The following TG variants were observed in gnomAD, a reference collection of about 807,000 sequenced individuals.
TG encodes thyroid hormones.
TG carries 270 observed loss-of-function variants against 324.7 expected under a neutral mutation model. That is an observed-to-expected ratio of 0.83 (90% CI 0.75 to 0.92). TG has a LOEUF of 0.92. Ranked by LOEUF, TG falls within the 40% of genes least tolerant of loss-of-function variation. TG has a pLI of 0.00. For synonymous variants in TG, 1,401 were observed against 1,327.0 expected (o/e 1.06, Z -1.21); for missense variants, 3,591 against 3,456.4 (o/e 1.04, Z -0.98).
intron 21 of TG, among the ~76,000 whole-genome samples, chr8:132,920,826 A>G (rs1425283064): frequency 6.6e-6 from 1 of 152,218 alleles, no homozygotes; most frequent in East Asian, 1.9e-4. Context: ...TCCCTCCTGT[A>G]TTGGGTGGAG....
At chr8:133,059,212 C>A (rs1166083871) in intron 41 of TG, 1 of 448,128 alleles carries the variant, frequency 2.2e-6, no homozygotes, top group Non-Finnish European at 4.5e-6. Flanking sequence ...AATGGGACAC[C>A]AGGCCCCAAA....
At chr8:132,990,181 T>TAA (rs1554691031) in intron 35 of TG, among the ~76,000 whole-genome samples, 12 of 139,810 alleles carry the variant, frequency 8.6e-5, no homozygotes, top group African/African-American at 2.0e-4. Context: ...TATATATATA[T>TAA]AATATACATG....
chr8:132,880,403 G>C (rs1012093040), intron 5 of TG, among the ~76,000 whole-genome samples: 12 of 152,138 alleles, frequency 7.9e-5, no homozygotes, highest in Admixed American at 2.6e-4. Context: ...ATACTATTAT[G>C]AGTATTTTTA....
intron 41 of TG, among the ~76,000 whole-genome samples, chr8:133,083,636 A>C (rs4236895): frequency 0.24 from 37,008 of 152,134 alleles, 4,762 homozygotes; most frequent in African/African-American, 0.26. Context: ...TGTCAGTGCA[A>C]GAGTCAGTAA....
chr8:133,134,443 T>C (rs1305176098), intron 47 of TG, among the ~76,000 whole-genome samples: 1 of 152,200 alleles, frequency 6.6e-6, no homozygotes, highest in African/African-American at 2.4e-5. Context: ...GCTTTTAGCT[T>C]CCAAGGCTGA....
At chr8:132,955,958 G>A (rs1036170024) in intron 27 of TG, among the ~76,000 whole-genome samples, 6 of 152,196 alleles carry the variant, frequency 3.9e-5, no homozygotes, top group African/African-American at 1.2e-4. Flanking sequence ...CAGGGGCAGC[G>A]ACCCTGATTC....
At chr8:132,878,949 G>A (rs907457831) in intron 5 of TG, among the ~76,000 whole-genome samples, 20 of 152,192 alleles carry the variant, frequency 1.3e-4, no homozygotes, top group Admixed American at 1.0e-3. Context: ...GCTTTCATCA[G>A]GGCTTTGGGT....
At chr8:132,980,906 C>T (rs974457209) in intron 34 of TG, among the ~76,000 whole-genome samples, 1 of 149,966 alleles carries the variant, frequency 6.7e-6, no homozygotes, top group Admixed American at 6.6e-5. Flanking sequence ...TAGGCCCTAT[C>T]TCATCAGATT....
At chr8:132,989,243 G>C (rs936552215) in intron 35 of TG, among the ~76,000 whole-genome samples, 2 of 152,194 alleles carry the variant, frequency 1.3e-5, no homozygotes, top group Non-Finnish European at 2.9e-5. Context: ...AGATTTGGGT[G>C]GGACACAGAG....
chr8:133,012,808 C>A (rs1265113238), intron 36 of TG, among the ~76,000 whole-genome samples: 1 of 152,202 alleles, frequency 6.6e-6, no homozygotes, highest in African/African-American at 2.4e-5. Flanking sequence ...AGAAATTGAG[C>A]TATAAATAGG....
At position 132,935,873 on chromosome 8, in the gene TG, G is replaced by A; in HGVS notation, c.5041+9G>A. 1 of 1,611,000 alleles carries A rather than the reference G, an allele frequency of 6.2e-7. No homozygotes were observed. The highest frequency in any genetic ancestry group is 1.1e-5 in the South Asian group (1 of 90,902). ...TGTGTATTTGAAAAAGGGTAGGTTG[G>A]TCAGGCTGGTTGGCTTAGGCCCGCG... On this transcript the variant is annotated intron_variant, in intron 25 of 47. Transcript: ENST00000220616.
At chr8:133,119,534 G>T (rs1253771214) in intron 45 of TG, among the ~76,000 whole-genome samples, 2 of 152,240 alleles carry the variant, frequency 1.3e-5, no homozygotes, top group East Asian at 3.9e-4. Flanking sequence ...CCTTCTTTCT[G>T]CATTCTCTCA....
rs767061574 is a variant in TG, at chr8:132,966,023, T to C, written c.5549-537T>C. Among the ~76,000 whole-genome samples the C allele has an allele frequency of 2.6e-5, 4 of 152,188 alleles. No homozygotes were observed. The South Asian group carries it at 8.3e-4, about 31-fold the overall frequency. On this transcript the variant is annotated intron_variant, in intron 29 of 47. Transcript: ENST00000220616. ...CTAAAACTTTCAAGTTTGGGTTAAG[T>C]GGAGCTGAAAGCTGACTTTGTAGAT...
intron 10 of TG, among the ~76,000 whole-genome samples, chr8:132,891,854 C>T (rs575876606): frequency 1.3e-5 from 2 of 152,182 alleles, no homozygotes; most frequent in Non-Finnish European, 1.5e-5. Context: ...CCCATGCTCT[C>T]AAAAGAATCC....
chr8:132,958,587 G>A (rs1423465627), intron 27 of TG, among the ~76,000 whole-genome samples: 1 of 151,962 alleles, frequency 6.6e-6, no homozygotes, highest in African/African-American at 2.4e-5. Flanking sequence ...GTGTGGTGGT[G>A]GGCGCCTGTA....
intron 41 of TG, chr8:133,050,694 C>A: frequency 2.9e-6 from 2 of 687,910 alleles, no homozygotes; most frequent in African/African-American, 1.8e-5. Context: ...AAATTTCTCA[C>A]CTCATAATAG....
chr8:132,894,999 C>G (rs1816897447), intron 11 of TG, among the ~76,000 whole-genome samples: 1 of 152,240 alleles, frequency 6.6e-6, no homozygotes, highest in Admixed American at 6.5e-5. Context: ...GTTCATCTCT[C>G]CTGTTCCCTG....
chr8:132,906,583 G>A (rs1030959773), intron 16 of TG, 105 bp from the exon 17 acceptor site: 20 of 1,313,222 alleles, frequency 1.5e-5, no homozygotes, highest in Non-Finnish European at 1.9e-5. Flanking sequence ...AAGGGGAGAG[G>A]AGGAGGGCCC....
At chr8:133,062,837 C>T (rs576793679) in intron 41 of TG, among the ~76,000 whole-genome samples, 1 of 152,274 alleles carries the variant, frequency 6.6e-6, no homozygotes, top group Non-Finnish European at 1.5e-5. Flanking sequence ...ACATGTGACA[C>T]GCACAGGGTG....
Sources: allele counts gnomAD v4.1 joint callset (sites outside exome capture counted in the v4.1 genomes callset), GRCh38; gene constraint gnomAD v4.1.1; transcripts MANE v1.5; gene names NCBI Gene and HGNC (gene_info 2026-07-23, HGNC 2026-07-21).